PTPRK: variants seen among roughly 807,000 people sequenced by gnomAD.
PTPRK encodes receptor-type tyrosine-protein phosphatase kappa.
A neutral mutation model predicts 178.0 loss-of-function variants in PTPRK; 75 were observed. The observed-to-expected ratio is 0.42, with a 90% confidence interval of 0.35 to 0.51. PTPRK has a LOEUF of 0.51. Ranked by LOEUF, PTPRK falls within the 20% of genes least tolerant of loss-of-function variation. PTPRK has a pLI of 0.02. For missense variants in PTPRK, 1,441 were observed against 1,797.8 expected, an observed-to-expected ratio of 0.80 and a Z score of 3.59; for synonymous variants, 637 against 620.6, an observed-to-expected ratio of 1.03 and a Z score of -0.39.
intron 3 of PTPRK, among the ~76,000 whole-genome samples, chr6:128,314,758 A>G (rs1220931323): frequency 2.0e-5 from 3 of 152,120 alleles, no homozygotes; most frequent in Admixed American, 6.6e-5. Context: ...GATAATGGAT[A>G]TTAAACACAG....
intron 7 of PTPRK, among the ~76,000 whole-genome samples, chr6:128,093,610 A>AC (rs1787386768): frequency 6.7e-6 from 1 of 148,316 alleles, no homozygotes; most frequent in Non-Finnish European, 1.5e-5. Flanking sequence ...AAAAAAAAAA[A>AC]AAAAAAAAAA....
chr6:128,001,767 G>C (rs2326670), intron 15 of PTPRK, among the ~76,000 whole-genome samples: 39,659 of 151,780 alleles, frequency 0.26, 6,237 homozygotes, highest in East Asian at 0.43. Context: ...CAGGAGGACC[G>C]AGACTTGGAC....
chr6:128,117,558 T>C (rs1465757171), intron 7 of PTPRK, among the ~76,000 whole-genome samples: 1 of 152,248 alleles, frequency 6.6e-6, no homozygotes, highest in African/African-American at 2.4e-5. Flanking sequence ...TGCAGTTTTC[T>C]GTATTTTTTA....
chr6:128,259,757 A>C (rs1817896675), intron 3 of PTPRK, among the ~76,000 whole-genome samples: 1 of 152,148 alleles, frequency 6.6e-6, no homozygotes, highest in African/African-American at 2.4e-5. Context: ...GGGCCATAAA[A>C]ATTCTAAGTA....
At chr6:128,478,466 G>C (rs1451819125) in intron 1 of PTPRK, among the ~76,000 whole-genome samples, 2 of 152,068 alleles carry the variant, frequency 1.3e-5, no homozygotes, top group East Asian at 3.9e-4. Flanking sequence ...GTGCAATACA[G>C]ATATTCAGGT....
chr6:128,199,773 G>A (rs1805579067), intron 6 of PTPRK, among the ~76,000 whole-genome samples: 1 of 152,094 alleles, frequency 6.6e-6, no homozygotes, highest in South Asian at 2.1e-4. Flanking sequence ...AATTTCTCTT[G>A]AAAATTCCTA....
chr6:128,404,184 C>T (rs1841377838), intron 1 of PTPRK, among the ~76,000 whole-genome samples: 1 of 152,198 alleles, frequency 6.6e-6, no homozygotes, highest in Admixed American at 6.5e-5. Flanking sequence ...CGGTGAGCCA[C>T]AGCCAAGCAA....
rs927977622 is a variant in PTPRK, at chr6:128,378,738, C to T, written c.223+18828G>A. Among the ~76,000 whole-genome samples, 15 of 151,996 alleles carry T rather than the reference C, an allele frequency of 9.9e-5. 1 individual carries two copies. The highest frequency in any genetic ancestry group is 7.9e-4 in the Admixed American group (12 of 15,254). On this transcript the variant is annotated intron_variant, in intron 2 of 29. Coordinates refer to ENST00000368226, the MANE Select transcript of PTPRK (RefSeq NM_002844.4). ...TATGCCATATAACTGAAAATATATA[C>T]GTATCTCACTTTTGGAGAAATTTTA... is the stretch of plus-strand genomic sequence containing the variant.
At chr6:128,092,876 T>A (rs1184857167) in intron 7 of PTPRK, among the ~76,000 whole-genome samples, 1 of 152,146 alleles carries the variant, frequency 6.6e-6, no homozygotes. Context: ...ACATTTAAAA[T>A]CAAAATAATT....
chr6:128,330,623 C>A (rs1830138997), intron 2 of PTPRK, among the ~76,000 whole-genome samples: 1 of 152,124 alleles, frequency 6.6e-6, no homozygotes, highest in African/African-American at 2.4e-5. Context: ...GGAATCCTAG[C>A]AAGTTTTATG....
chr6:128,195,831 C>T (rs1172831200), intron 6 of PTPRK, among the ~76,000 whole-genome samples: 1 of 152,048 alleles, frequency 6.6e-6, no homozygotes, highest in East Asian at 1.9e-4. Context: ...TTATATAGAT[C>T]CAACTAAGTT....
chr6:128,316,091 C>T (rs1406662793), intron 3 of PTPRK, among the ~76,000 whole-genome samples: 1 of 152,204 alleles, frequency 6.6e-6, no homozygotes, highest in East Asian at 1.9e-4. Flanking sequence ...TCAGAAACAT[C>T]ATTAAACTGA....
intron 15 of PTPRK, chr6:128,000,202 G>C: frequency 1.9e-6 from 2 of 1,079,874 alleles, no homozygotes; most frequent in Non-Finnish European, 2.3e-6. Flanking sequence ...GCATACTGTA[G>C]AGAATGATAT....
chr6:128,416,979 T>C (rs1442759520), intron 1 of PTPRK, among the ~76,000 whole-genome samples: 2 of 148,370 alleles, frequency 1.3e-5, no homozygotes, highest in African/African-American at 4.9e-5. Flanking sequence ...ATAGATATAA[T>C]AATTATAAAA....
At chr6:127,978,162 T>G (rs1774831004) in intron 25 of PTPRK, among the ~76,000 whole-genome samples, 1 of 152,176 alleles carries the variant, frequency 6.6e-6, no homozygotes, top group Admixed American at 6.5e-5. Flanking sequence ...CCTCAAAACC[T>G]TACCAAGTTA....
intron 2 of PTPRK, among the ~76,000 whole-genome samples, chr6:128,365,548 G>T (rs1356944478): frequency 6.6e-6 from 1 of 152,096 alleles, no homozygotes; most frequent in East Asian, 1.9e-4. Flanking sequence ...ACTTTTTCTA[G>T]TCAAGTGACC....
At chr6:128,465,871 G>A (rs760292259) in intron 1 of PTPRK, among the ~76,000 whole-genome samples, 1 of 152,152 alleles carries the variant, frequency 6.6e-6, no homozygotes, top group East Asian at 1.9e-4. Flanking sequence ...AAGGCAAGAG[G>A]CATGGGAGGC....
Position 128,510,199 on chromosome 6 carries a change from T to C in PTPRK, c.100+10060A>G, listed in dbSNP as rs560885431. On this transcript the variant is annotated intron_variant, in intron 1 of 29. Transcript: ENST00000368226. ...TGTGCCAGGCCAGCTGCCCTGGCCA[T>C]TGAAGGTCCATTACGGACCATTAAA... Among the ~76,000 whole-genome samples the C allele has an allele frequency of 1.3e-4, 20 of 152,274 alleles. No homozygotes were observed. The East Asian group carries it at 3.7e-3, about 28-fold the overall frequency.
intron 27 of PTPRK, among the ~76,000 whole-genome samples, chr6:127,976,360 T>C (rs1774592676): frequency 6.6e-6 from 1 of 152,228 alleles, no homozygotes; most frequent in Non-Finnish European, 1.5e-5. Flanking sequence ...ATCCTTAAGA[T>C]AAGTCTACAT....
Sources: allele counts gnomAD v4.1 joint callset (sites outside exome capture counted in the v4.1 genomes callset), GRCh38; gene constraint gnomAD v4.1.1; transcripts MANE v1.5; gene names NCBI Gene and HGNC (gene_info 2026-07-23, HGNC 2026-07-21).